Variants in NAALADL2 observed in about 807,000 individuals in gnomAD.
The protein encoded by NAALADL2 is N-acetylated alpha-linked acidic dipeptidase like 2, also known as inactive N-acetylated-alpha-linked acidic dipeptidase-like protein 2.
In NAALADL2, 76 loss-of-function variants were observed where a neutral mutation model predicts 87.2. The observed-to-expected ratio is 0.87, with a 90% CI of 0.72 to 1.05. The LOEUF (loss-of-function observed/expected upper bound fraction) is 1.05, where lower values mean the gene tolerates loss of function less well. NAALADL2 is among the 50% of genes least tolerant of loss of function. The probability of loss-of-function intolerance (pLI) is 0.00; values close to 1 mark genes in which losing one functional copy is unlikely to be tolerated. For missense variants in NAALADL2, 1,089 were observed against 945.8 expected (o/e 1.15, Z -1.99); for synonymous variants, 354 against 331.0 (o/e 1.07, Z -0.75).
At chr3:175,087,575 C>A (rs1460068681) in intron 1 of NAALADL2, among the ~76,000 whole-genome samples, 1 of 152,178 alleles carries the variant, frequency 6.6e-6, no homozygotes, top group East Asian at 1.9e-4. Flanking sequence ...AAAAATTCTT[C>A]TGCCTTGGGA....
chr3:174,754,811 ACT>A (rs1293844887), intron 3 of NAALADL2, among the ~76,000 whole-genome samples: 3 of 152,058 alleles, frequency 2.0e-5, no homozygotes, highest in Admixed American at 6.5e-5. Flanking sequence ...AAGAGCTGAC[ACT>A]CTCATTAATA....
chr3:175,570,223 G>C (rs1229276156), intron 9 of NAALADL2, among the ~76,000 whole-genome samples: 1 of 152,174 alleles, frequency 6.6e-6, no homozygotes, highest in East Asian at 1.9e-4. Context: ...CCCCTTTCTT[G>C]TGGGAAGGTC....
At chr3:174,497,145 C>T (rs1044282017) in intron 1 of NAALADL2, among the ~76,000 whole-genome samples, 8 of 152,058 alleles carry the variant, frequency 5.3e-5, no homozygotes, top group African/African-American at 1.7e-4. Flanking sequence ...ATAGGTAATA[C>T]TTTTCAGAAT....
chr3:174,476,464 TC>T (rs1484950957), intron 1 of NAALADL2, among the ~76,000 whole-genome samples: 1 of 152,038 alleles, frequency 6.6e-6, no homozygotes, highest in Non-Finnish European at 1.5e-5. Context: ...TCTTTAGTTT[TC>T]TAGTTAATTT....
intron 2 of NAALADL2, among the ~76,000 whole-genome samples, chr3:174,562,494 G>A (rs1713748618): frequency 6.6e-6 from 1 of 152,072 alleles, no homozygotes; most frequent in Non-Finnish European, 1.5e-5. Context: ...CAAAGTGGTA[G>A]AGTAAGATAT....
At chr3:175,087,731 C>A (rs1019376334) in intron 1 of NAALADL2, among the ~76,000 whole-genome samples, 1 of 151,936 alleles carries the variant, frequency 6.6e-6, no homozygotes, top group Non-Finnish European at 1.5e-5. Flanking sequence ...AGAGTCATCA[C>A]CACTCCCTAA....
chr3:175,139,102 C>G (rs1729608089), intron 2 of NAALADL2, among the ~76,000 whole-genome samples: 1 of 151,368 alleles, frequency 6.6e-6, no homozygotes, highest in South Asian at 2.1e-4. Context: ...CCCTCTGACA[C>G]TCAGGAATAT....
At chr3:175,719,005 C>T (rs145391884) in intron 11 of NAALADL2, among the ~76,000 whole-genome samples, 269 of 152,190 alleles carry the variant, frequency 1.8e-3, no homozygotes, top group Admixed American at 2.4e-3. Context: ...TTATCTCATC[C>T]GCTTTGTGCT....
chr3:175,655,778 T>C (rs1246463425), intron 11 of NAALADL2, among the ~76,000 whole-genome samples: 1 of 152,138 alleles, frequency 6.6e-6, no homozygotes, highest in Admixed American at 6.5e-5. Context: ...GTCATATTGC[T>C]TTAGACTACC....
rs77178308 is a variant in NAALADL2, at chr3:174,637,918, G to A, written c.-115+87281G>A. On this transcript the variant is annotated intron_variant, in intron 2 of 3. Coordinates refer to the NAALADL2 transcript ENST00000434257. ...GTTGCAATAACTTGGTGATTTATGA[G>A]TAGGGTGTCAGAAATAATCAAAATG... Among the ~76,000 whole-genome samples, 1,126 of 152,012 alleles carry A rather than the reference G, an allele frequency of 7.4e-3. 11 individuals carry two copies. The highest frequency in any genetic ancestry group is 0.026 in the African/African-American group (1,073 of 41,472).
At chr3:175,150,160 C>T (rs188641328) in intron 2 of NAALADL2, among the ~76,000 whole-genome samples, 1,656 of 152,194 alleles carry the variant, frequency 0.011, 21 homozygotes, top group African/African-American at 0.037. Flanking sequence ...TGTTTTATAA[C>T]AATAGGTTTC....
chr3:175,587,890 G>T (rs1344640560), intron 10 of NAALADL2, among the ~76,000 whole-genome samples: 1 of 152,106 alleles, frequency 6.6e-6, no homozygotes, highest in African/African-American at 2.4e-5. Flanking sequence ...TGGAGGGACA[G>T]ACGACAGACC....
chr3:175,538,445 A>T (rs1711671138), intron 9 of NAALADL2, among the ~76,000 whole-genome samples: 1 of 152,092 alleles, frequency 6.6e-6, no homozygotes, highest in Non-Finnish European at 1.5e-5. Flanking sequence ...ATCCCAAGGG[A>T]AATTAAGAAA....
At chr3:174,982,039 G>T (rs1745190517) in intron 1 of NAALADL2, among the ~76,000 whole-genome samples, 1 of 152,150 alleles carries the variant, frequency 6.6e-6, no homozygotes, top group Non-Finnish European at 1.5e-5. Flanking sequence ...AGCAAGTCTA[G>T]ATTTTTAGTC....
chr3:175,093,416 T>TATATATATATATATATATATATATA (rs1489640629), intron 1 of NAALADL2, among the ~76,000 whole-genome samples: 1 of 139,522 alleles, frequency 7.2e-6, no homozygotes, highest in African/African-American at 2.7e-5. Flanking sequence ...TTTTATTTTT[T>TATATATATATATATATATATATATA]TATATATATA....
At position 174,852,694 on chromosome 3, in the gene NAALADL2, A is replaced by C. The variant is rs566839040; in HGVS notation, c.-9+114948A>C. Among the ~76,000 whole-genome samples, 8 of 151,956 alleles carry C rather than the reference A, an allele frequency of 5.3e-5. No individual in the cohort carries two copies. In the South Asian group the frequency reaches 1.2e-3, roughly 24 times the overall value. Reference sequence around the variant, plus strand: ...TATGAAAATACCAATGAAATTCTTCAGAGAAATGGAAAAAACAATCCTAAA... The same window carrying C: ...TATGAAAATACCAATGAAATTCTTCCGAGAAATGGAAAAAACAATCCTAAA... On this transcript the variant is annotated intron_variant, in intron 3 of 3. Transcript: ENST00000434257.
intron 2 of NAALADL2, among the ~76,000 whole-genome samples, chr3:174,680,735 A>G (rs889210924): frequency 6.6e-6 from 1 of 152,204 alleles, no homozygotes. Context: ...TTAAAATTAC[A>G]TAGTGACATG....
intron 1 of NAALADL2, among the ~76,000 whole-genome samples, chr3:174,442,315 T>TC (rs959275344): frequency 6.6e-6 from 1 of 152,274 alleles, no homozygotes; most frequent in Non-Finnish European, 1.5e-5. Flanking sequence ...CACCATTTTT[T>TC]CCCACACCCC....
At chr3:175,050,649 C>A (rs9867862) in intron 1 of NAALADL2, among the ~76,000 whole-genome samples, 50,431 of 151,864 alleles carry the variant, frequency 0.33, 8,606 homozygotes, top group Middle Eastern at 0.44. Flanking sequence ...GTTTCTGAAA[C>A]CCTATTGATG....
Sources: gnomAD v4.1 joint callset for allele counts (sites outside exome capture counted in the v4.1 genomes callset) on GRCh38, gnomAD v4.1.1 for gene constraint, MANE v1.5 for transcripts, NCBI Gene and HGNC (gene_info 2026-07-23, HGNC 2026-07-21) for gene names.